ADPRHL1: variants seen among roughly 807,000 people sequenced by gnomAD.
ADPRHL1 encodes the protein inactive ADP-ribosyltransferase ARH2.
A neutral mutation model predicts 44.1 loss-of-function variants in ADPRHL1; 43 were observed. The ratio of observed to expected loss-of-function variants is 0.98; its 90% CI spans 0.76 to 1.26. ADPRHL1 has a LOEUF of 1.26. Among genes scored for constraint, ADPRHL1 ranks in the 50% most tolerant of loss-of-function variants. The pLI is 0.00. For missense variants in ADPRHL1, 2,022 were observed against 2,496.9 expected (o/e 0.81, Z 4.05); for synonymous variants, 878 against 1,017.4 (o/e 0.86, Z 2.61).
chr13:113,451,838 G>T (rs1202643400), intron 1 of ADPRHL1, among the ~76,000 whole-genome samples: 1 of 152,066 alleles, frequency 6.6e-6, no homozygotes, highest in South Asian at 2.1e-4. Context: ...TGCCCTAAAC[G>T]TCCGTAACCC....
intron 2 of ADPRHL1, among the ~76,000 whole-genome samples, chr13:113,440,047 G>A (rs2044086763): frequency 6.6e-6 from 1 of 152,008 alleles, no homozygotes; most frequent in Non-Finnish European, 1.5e-5. Context: ...TTATTAATTT[G>A]CTCTACTCTT....
intron 7 of ADPRHL1, among the ~76,000 whole-genome samples, chr13:113,412,786 TCGGTTCACCCACCGCCAACAGCACCCC>T (rs2043863669): frequency 1.0e-5 from 1 of 95,424 alleles, no homozygotes; most frequent in Non-Finnish European, 2.3e-5. Flanking sequence ...CCCGCAGAAC[TCGGTTCACCCACCGCCAACAGCACCCC>T]GCAGAACTCG....
intron 7 of ADPRHL1, among the ~76,000 whole-genome samples, chr13:113,415,165 G>A (rs1001786240): frequency 6.6e-6 from 1 of 152,170 alleles, no homozygotes; most frequent in Non-Finnish European, 1.5e-5. Flanking sequence ...AGACACTGGG[G>A]CTGCACCTTT....
intron 7 of ADPRHL1, among the ~76,000 whole-genome samples, chr13:113,417,015 G>C (rs1162634339): frequency 4.6e-5 from 7 of 152,236 alleles, no homozygotes; most frequent in African/African-American, 1.7e-4. Flanking sequence ...TAGTTTTTTT[G>C]AAACAAACTT....
At chr13:113,428,074 C>T (rs779717848) in intron 4 of ADPRHL1, among the ~76,000 whole-genome samples, 4 of 152,144 alleles carry the variant, frequency 2.6e-5, no homozygotes, top group Non-Finnish European at 5.9e-5. Flanking sequence ...GAAACCCCGT[C>T]TCTACTAAAA....
rs563453791 is a variant in ADPRHL1, at chr13:113,453,099, T to A, written c.214+125A>T. ...ATTAAATTGCCACTTTTAGCAGCGGTATCAGGTAACACCATCCGCTGAAGG... is the reference window on the plus strand; with the variant it reads ...ATTAAATTGCCACTTTTAGCAGCGGAATCAGGTAACACCATCCGCTGAAGG... On this transcript the variant is annotated intron_variant, in intron 1 of 7. Coordinates refer to ENST00000612156, the MANE Select transcript of ADPRHL1 (RefSeq NM_001394807.1). This position sits in a 1 kb window ranked among gnomAD's most constrained non-coding sequence, Gnocchi z 5.4. 166 of 980,712 alleles carry A rather than the reference T, an allele frequency of 1.7e-4. No individual in the cohort carries two copies. In the African/African-American group the frequency reaches 2.4e-3, roughly 14 times the overall value. 60.8% of individuals were successfully genotyped at this position (980,712 alleles called of 1,614,324 possible).
chr13:113,450,844 A>G (rs1277893647), intron 1 of ADPRHL1, among the ~76,000 whole-genome samples: 1 of 152,162 alleles, frequency 6.6e-6, no homozygotes, highest in Non-Finnish European at 1.5e-5. Context: ...ACAGCATCAC[A>G]GGGAGACGGT....
chr13:113,443,460 A>C (rs1162884236), intron 2 of ADPRHL1, among the ~76,000 whole-genome samples: 108 of 148,524 alleles, frequency 7.3e-4, no homozygotes, highest in African/African-American at 2.6e-3. Context: ...AAAAAAAAAC[A>C]ACCAAAACAT....
At chr13:113,443,980 A>G (rs67683976) in intron 2 of ADPRHL1, among the ~76,000 whole-genome samples, 25,708 of 152,050 alleles carry the variant, frequency 0.17, 2,303 homozygotes, top group Middle Eastern at 0.27. Context: ...TTTTCAATAG[A>G]TACCATTAAG....
chr13:113,446,198 C>T lies in ADPRHL1; in HGVS notation c.215-1609G>A, dbSNP rs956190208. On this transcript the variant is annotated intron_variant, in intron 1 of 7. Transcript: ENST00000612156. Reference sequence around the variant, plus strand: ...AACCCTCCAGAGAAAACAAGCAGGGCCCCTTGGCTGTGAACCCCCTAGAGA... The same window carrying T: ...AACCCTCCAGAGAAAACAAGCAGGGTCCCTTGGCTGTGAACCCCCTAGAGA... 5.9e-4 allele frequency among the ~76,000 whole-genome samples: 78 copies of T among 131,618 alleles called. 2 individuals carry two copies. Among genetic ancestry groups the T allele is most frequent in the African/African-American group, 2.1e-3 (75 of 35,634 alleles). The allele number at this position is 131,618 out of a possible 152,430, so 86.3% of individuals were successfully genotyped here.
intron 2 of ADPRHL1, among the ~76,000 whole-genome samples, chr13:113,440,151 T>C (rs2044087203): frequency 6.6e-6 from 1 of 152,258 alleles, no homozygotes; most frequent in African/African-American, 2.4e-5. Flanking sequence ...TTTCTGGTTT[T>C]AAAACGTGAA....
rs991801364 is a variant in ADPRHL1 at position 113,401,215 on chromosome 13, G to T, written c.*2163C>A. ...CAGGGGCCGCCAACAGGACAAAGAGGCCACTCTGTCAGCCTCTGCTGGACC... is the reference window on the plus strand; with the variant it reads ...CAGGGGCCGCCAACAGGACAAAGAGTCCACTCTGTCAGCCTCTGCTGGACC... On this transcript the variant is annotated 3_prime_UTR_variant, in exon 8 of 8. Coordinates refer to ENST00000612156, the MANE Select transcript of ADPRHL1 (RefSeq NM_001394807.1). This position sits in a 1 kb window ranked among gnomAD's most constrained non-coding sequence, Gnocchi z 5.5. The T allele has an allele frequency of 5.9e-5, 9 of 152,190 alleles. No individual in the cohort carries two copies. Among genetic ancestry groups the T allele is most frequent in the African/African-American group, 2.2e-4 (9 of 41,438 alleles). The allele number at this position is 152,190 out of a possible 1,614,324, so 9.4% of individuals were successfully genotyped here. A position where few individuals can be genotyped will look rare whatever the true frequency, so the allele number is the denominator to read the frequency against.
rs909045613 is a variant in ADPRHL1 at position 113,401,258 on chromosome 13, T to A, written c.*2120A>T. Reference sequence around the variant, plus strand: ...GCTGGACCCCTGAGCTCCCCTCTCATGGGCCTCTCCGTTTGGGTGGCTCCG... The same window carrying A: ...GCTGGACCCCTGAGCTCCCCTCTCAAGGGCCTCTCCGTTTGGGTGGCTCCG... On this transcript the variant is annotated 3_prime_UTR_variant, in exon 8 of 8. Transcript: ENST00000612156. The surrounding 1 kb of genome is among the most constrained non-coding windows in gnomAD (Gnocchi z 5.5). 3 of 152,148 alleles carry A rather than the reference T, an allele frequency of 2.0e-5. No individual in the cohort carries two copies. The highest frequency in any genetic ancestry group is 7.2e-5 in the African/African-American group (3 of 41,424). The allele number at this position is 152,148 out of a possible 1,614,324, so 9.4% of individuals were successfully genotyped here.
rs1445971278 is a variant in ADPRHL1, at chr13:113,401,414, C to A, written c.*1964G>T. On this transcript the variant is annotated 3_prime_UTR_variant, in exon 8 of 8. Transcript: ENST00000612156. This position sits in a 1 kb window ranked among gnomAD's most constrained non-coding sequence, Gnocchi z 5.5. Reference sequence around the variant, plus strand: ...GTCCAGCGGCACCACAGCAAGACTTCTGTGGCCAAGTACACGCCATGCTCA... The same window carrying A: ...GTCCAGCGGCACCACAGCAAGACTTATGTGGCCAAGTACACGCCATGCTCA... The A allele has an allele frequency of 6.6e-6, 1 of 152,394 alleles. No homozygotes were observed. Among genetic ancestry groups the A allele is most frequent in the Admixed American group, 6.5e-5 (1 of 15,280 alleles). The allele number at this position is 152,394 out of a possible 1,614,324, so 9.4% of individuals were successfully genotyped here.
chr13:113,451,582 TG>T (rs1218882648), intron 1 of ADPRHL1, among the ~76,000 whole-genome samples: 1 of 151,972 alleles, frequency 6.6e-6, no homozygotes, highest in Non-Finnish European at 1.5e-5. Context: ...CTGAGGTGGG[TG>T]GATCACTTGA....
In ADPRHL1 at chr13:113,403,724, C is replaced by T; in HGVS notation, c.5558G>A (p.Gly1853Asp). 1.6e-6 allele frequency: 2 copies of T among 1,232,264 alleles called. No homozygotes were observed. Among genetic ancestry groups the T allele is most frequent in the South Asian group, 4.1e-5 (1 of 24,356 alleles). 76.3% of individuals were successfully genotyped at this position (1,232,264 alleles called of 1,614,324 possible). ...PRDGGQSGGS[G>D]LGEPSAGYPP... ...GTACCCGGCGCTGGGCTCCCCCAGG[C>T]CACTGCCCCCTGACTGTCCACCATC... Residue 1853 changes from glycine (G) to aspartate (D), a missense_variant, in exon 8 of 8, where the codon GGC becomes GAC. Transcript: ENST00000612156.
In ADPRHL1 at chr13:113,422,942, C is replaced by G. The variant is rs1595543789; in HGVS notation, c.945G>C (p.Leu315=). The G allele has an allele frequency of 6.2e-7, 1 of 1,612,936 alleles. No individual in the cohort carries two copies. Among genetic ancestry groups the G allele is most frequent in the African/African-American group, 1.3e-5 (1 of 75,066 alleles). The part of the protein sequence containing the change: ...SAATGTIAGC[L]FGLLYGLDLV... ...GGTCCAGGCCGTACAGCAACCCGAA[C>G]AGGCAGCCTGCAATGGTGCCCGTGG... The change falls in exon 7 of 8, where the codon CTG becomes CTC. Residue 315 remains leucine, a synonymous_variant. Transcript: ENST00000612156.
At chr13:113,444,325 A>G in intron 2 of ADPRHL1, 100 bp downstream of exon 2, 1 of 1,482,686 alleles carries the variant, frequency 6.7e-7, no homozygotes, top group Admixed American at 2.0e-5. Flanking sequence ...GCCTCACTGA[A>G]GCCACCTGGA....
chr13:113,420,975 C>A (rs2043914584), intron 7 of ADPRHL1, among the ~76,000 whole-genome samples: 1 of 128,784 alleles, frequency 7.8e-6, no homozygotes, highest in Non-Finnish European at 1.7e-5. Context: ...TGGGACACGC[C>A]CACCCCCCAG....
Sources: allele counts gnomAD v4.1 joint callset (sites outside exome capture counted in the v4.1 genomes callset), GRCh38; gene constraint gnomAD v4.1.1; non-coding constraint Gnocchi (gnomAD v3.1); transcripts MANE v1.5; gene names NCBI Gene and HGNC (gene_info 2026-07-23, HGNC 2026-07-21).